ZNF521: variants seen among roughly 807,000 people sequenced by gnomAD.
The protein encoded by ZNF521 is zinc finger protein 521, also known as LYST-interacting protein 3.
ZNF521 carries 14 observed loss-of-function variants against 105.5 expected under a neutral mutation model. That is an observed-to-expected ratio of 0.13 (90% CI 0.09 to 0.21). The LOEUF is 0.21. ZNF521 is among the 10% of genes least tolerant of loss of function. The pLI, the probability that ZNF521 is intolerant of heterozygous loss-of-function variation, is 1.00. For synonymous variants in ZNF521, 635 were observed against 606.0 expected, an observed-to-expected ratio of 1.05 and a Z score of -0.70; for missense variants, 1,233 against 1,629.7, an observed-to-expected ratio of 0.76 and a Z score of 4.19.
At chr18:25,270,902 A>G (rs1476351426) in intron 3 of ZNF521, among the ~76,000 whole-genome samples, 3 of 152,328 alleles carry the variant, frequency 2.0e-5, no homozygotes, top group South Asian at 4.1e-4. Flanking sequence ...CCTGTTCAGC[A>G]TAGTATTGGA....
intron 3 of ZNF521, among the ~76,000 whole-genome samples, chr18:25,279,532 T>C (rs1394702511): frequency 1.3e-5 from 2 of 152,198 alleles, no homozygotes; most frequent in Non-Finnish European, 2.9e-5. Flanking sequence ...GAAAAACTTG[T>C]TTTGCAGAGG....
intron 5 of ZNF521, among the ~76,000 whole-genome samples, chr18:25,174,646 T>C (rs1449685514): frequency 6.6e-6 from 1 of 152,194 alleles, no homozygotes; most frequent in Non-Finnish European, 1.5e-5. Context: ...CCAATGTAAC[T>C]TGCCATTACT....
chr18:25,231,540 T>G (rs1055935653), intron 3 of ZNF521: 5 of 152,234 alleles, frequency 3.3e-5, no homozygotes, highest in African/African-American at 1.2e-4. Context: ...TGGACGTGAT[T>G]TGATCCTAGC....
chr18:25,297,283 C>T (rs1911377177), intron 3 of ZNF521, among the ~76,000 whole-genome samples: 2 of 151,860 alleles, frequency 1.3e-5, no homozygotes, highest in South Asian at 2.1e-4. Flanking sequence ...AGCACAAATA[C>T]CTGGCATTTA....
At chr18:25,209,767 T>G (rs1323991996) in intron 4 of ZNF521, among the ~76,000 whole-genome samples, 1 of 152,236 alleles carries the variant, frequency 6.6e-6, no homozygotes, top group Non-Finnish European at 1.5e-5. Flanking sequence ...GTGATTATAT[T>G]TGTCACCTAT....
In ZNF521 at chr18:25,179,116, C is replaced by CTTTTTTTTTTTTTTTTTTTTTTTT. The variant is rs1175859497; in HGVS notation, c.3658+16020_3658+16043dup. 6.1e-4 allele frequency among the ~76,000 whole-genome samples: 32 copies of CTTTTTTTTTTTTTTTTTTTTTTTT among 52,486 alleles called. 9 individuals carry two copies. The highest frequency in any genetic ancestry group is 2.3e-3 in the Admixed American group (7 of 3,098). 34.4% of individuals were successfully genotyped at this position (52,486 alleles called of 152,430 possible). A position where few individuals can be genotyped will look rare whatever the true frequency, so the allele number is the denominator to read the frequency against. The stretch of plus-strand genomic sequence containing the variant: ...GACTTATACTTCTTTTTCTTTATTC[C>CTTTTTTTTTTTTTTTTTTTTTTTT]TTTTTTTTTTTTTTTTTTTTTTTTT... On this transcript the variant is annotated intron_variant, in intron 5 of 7. Transcript: ENST00000361524.
chr18:25,288,037 GC>G (rs544507566), intron 3 of ZNF521, among the ~76,000 whole-genome samples: 198 of 151,920 alleles, frequency 1.3e-3, no homozygotes, highest in Non-Finnish European at 2.6e-3. Context: ...TACTGAAAAT[GC>G]CCCCCCAATA....
At chr18:25,114,659 G>A (rs1032781922) in intron 5 of ZNF521, among the ~76,000 whole-genome samples, 6 of 152,126 alleles carry the variant, frequency 3.9e-5, no homozygotes, top group Admixed American at 6.5e-5. Flanking sequence ...CTCTAAGTGG[G>A]TAAATGAAAA....
At position 25,227,577 on chromosome 18, in the gene ZNF521, G is replaced by C. The variant is rs1372793553; in HGVS notation, c.341C>G (p.Pro114Arg). ...GCDFGEEEGG[P>R]GLPYPCQFCD... The stretch of plus-strand genomic sequence containing the variant: ...GAATTGACACGGGTATGGAAGCCCA[G>C]GGCCACCTTCTTCCTCTCCAAAATC... Residue 114 changes from proline to arginine, a missense_variant, in exon 4 of 8, where the codon CCT (proline) becomes CGT (arginine). Physicochemically the swap from Pro to Arg is moderately radical, Grantham distance 103. Around this residue, in one of 6 missense-constraint regions of ZNF521, gnomAD observed 85 missense variants for 162.2 expected, o/e 0.52. Transcript: ENST00000361524. The surrounding 1 kb of genome is among the most constrained non-coding windows in gnomAD (Gnocchi z 5.7). 2.5e-6 allele frequency: 4 copies of C among 1,614,160 alleles called. No homozygotes were observed. The Admixed American group carries it at 5.0e-5, about 20-fold the overall frequency.
chr18:25,235,213 A>C (rs956567810), intron 3 of ZNF521, among the ~76,000 whole-genome samples: 8 of 152,220 alleles, frequency 5.3e-5, no homozygotes, highest in Admixed American at 4.6e-4. Flanking sequence ...GCTTAGTTAG[A>C]AAGTCCTTGA....
At chr18:25,065,451 T>C (rs903821541) in intron 7 of ZNF521, among the ~76,000 whole-genome samples, 1 of 152,146 alleles carries the variant, frequency 6.6e-6, no homozygotes, top group African/African-American at 2.4e-5. Flanking sequence ...GAAATATAAA[T>C]GAATTTTGTG....
intron 5 of ZNF521, among the ~76,000 whole-genome samples, chr18:25,141,812 A>G (rs2034853103): frequency 1.3e-5 from 2 of 152,142 alleles, no homozygotes; most frequent in African/African-American, 4.8e-5. Flanking sequence ...TAAACAAAAT[A>G]AGCCCCAGTT....
intron 4 of ZNF521, among the ~76,000 whole-genome samples, chr18:25,205,131 G>A (rs941428868): frequency 2.4e-4 from 22 of 93,232 alleles, no homozygotes; most frequent in African/African-American, 9.7e-4. Flanking sequence ...AATTGATGCC[G>A]TAGTGAAGGT....
intron 6 of ZNF521, among the ~76,000 whole-genome samples, chr18:25,089,880 T>C (rs2033706906): frequency 6.6e-6 from 1 of 152,194 alleles, no homozygotes; most frequent in Non-Finnish European, 1.5e-5. Context: ...CATAGCTCTG[T>C]CTCAACAGAA....
intron 5 of ZNF521, among the ~76,000 whole-genome samples, chr18:25,162,541 T>A (rs922873074): frequency 6.6e-6 from 1 of 152,254 alleles, no homozygotes; most frequent in Admixed American, 6.5e-5. Context: ...TTCTCTTGCA[T>A]GCCAATACAT....
chr18:25,129,627 C>T (rs1342757492), intron 5 of ZNF521, among the ~76,000 whole-genome samples: 1 of 151,700 alleles, frequency 6.6e-6, no homozygotes, highest in Non-Finnish European at 1.5e-5. Context: ...GTCTTAAGAT[C>T]CAGTAATTAG....
At chr18:25,336,679 C>T (rs926640426) in intron 2 of ZNF521, among the ~76,000 whole-genome samples, 6 of 152,146 alleles carry the variant, frequency 3.9e-5, no homozygotes, top group Admixed American at 2.0e-4. Context: ...AGACTGAACT[C>T]GGCAAAGACT....
At chr18:25,112,413 A>G (rs1005210441) in intron 5 of ZNF521, among the ~76,000 whole-genome samples, 2 of 152,042 alleles carry the variant, frequency 1.3e-5, no homozygotes, top group Non-Finnish European at 2.9e-5. Flanking sequence ...CTTCCACTCA[A>G]ATTCACCATT....
At chr18:25,230,750 T>C (rs1332290065) in intron 3 of ZNF521, among the ~76,000 whole-genome samples, 1 of 152,200 alleles carries the variant, frequency 6.6e-6, no homozygotes, top group Non-Finnish European at 1.5e-5. Context: ...TGTTAAATTT[T>C]AATTTTTGAA....
Sources: allele counts gnomAD v4.1 joint callset (sites outside exome capture counted in the v4.1 genomes callset), GRCh38; gene constraint gnomAD v4.1.1; regional missense constraint gnomAD v4.1.1; non-coding constraint Gnocchi (gnomAD v3.1); transcripts MANE v1.5; gene names NCBI Gene and HGNC (gene_info 2026-07-23, HGNC 2026-07-21).